The following KEAP1 variants were observed in gnomAD, a reference collection of about 807,000 sequenced individuals.
The protein encoded by KEAP1 is kelch-like ECH-associated protein 1.
A neutral mutation model predicts 59.7 loss-of-function variants in KEAP1; 26 were observed. The ratio of observed to expected loss-of-function variants is 0.44; its 90% CI spans 0.32 to 0.60. KEAP1 has a LOEUF of 0.60. KEAP1 is among the 20% of genes least tolerant of loss of function. The probability of loss-of-function intolerance (pLI) is 0.06; values close to 1 mark genes in which losing one functional copy is unlikely to be tolerated. For synonymous variants in KEAP1, 350 were observed against 358.3 expected (o/e 0.98, Z 0.26); for missense variants, 539 against 871.4 (o/e 0.62, Z 4.80).
Position 10,491,544 on chromosome 19 carries a change from C to T in KEAP1, c.1325+33G>A, listed in dbSNP as rs749509485. 6.7e-7 allele frequency: 1 copy of T among 1,481,700 alleles called. No homozygotes were observed. The highest frequency in any genetic ancestry group is 9.0e-7 in the Non-Finnish European group (1 of 1,114,010). 91.8% of individuals were successfully genotyped at this position (1,481,700 alleles called of 1,614,324 possible). The stretch of plus-strand genomic sequence containing the variant: ...TCTTGGGACTTGCCAGGAGCAGGAC[C>T]CTCCGAGCCCACCCCCAGGCCCTGC... On this transcript the variant is annotated intron_variant, in intron 3 of 5. Transcript: ENST00000171111. The surrounding 1 kb of genome is among the most constrained non-coding windows in gnomAD (Gnocchi z 5.2).
In KEAP1 at chr19:10,500,044, A is replaced by G. The variant is rs1219937832; in HGVS notation, c.-11T>C. The G allele has an allele frequency of 2.6e-6, 4 of 1,534,682 alleles. No individual in the cohort carries two copies. Among genetic ancestry groups the G allele is most frequent in the African/African-American group, 2.8e-5 (2 of 72,638 alleles). On this transcript the variant is annotated 5_prime_UTR_variant, in exon 2 of 6. Transcript: ENST00000171111. ...GGGATCTGGCTGCATGGGGTTCCAGAAGATAAGCAACACCACCACCTCTGG... is the reference window on the plus strand; with the variant it reads ...GGGATCTGGCTGCATGGGGTTCCAGGAGATAAGCAACACCACCACCTCTGG...
At chr19:10,489,433 T>C (rs954642031) in intron 4 of KEAP1, 65 bp from the exon 5 acceptor site, 12 of 1,501,488 alleles carry the variant, frequency 8.0e-6, no homozygotes, top group Middle Eastern at 3.5e-4. Flanking sequence ...AGCCATCACC[T>C]CCTTGAGGGA....
intron 5 of KEAP1, 93 bp from the exon 6 acceptor site, chr19:10,486,911 A>G (rs1036554322): frequency 2.0e-5 from 28 of 1,380,472 alleles, no homozygotes; most frequent in Non-Finnish European, 2.8e-5. Flanking sequence ...GAGATGCAAA[A>G]GCAGGCCGGG....
At chr19:10,501,713 T>C (rs1915052593) in intron 1 of KEAP1, among the ~76,000 whole-genome samples, 1 of 152,030 alleles carries the variant, frequency 6.6e-6, no homozygotes, top group Non-Finnish European at 1.5e-5. Flanking sequence ...GATGGGCTAA[T>C]TTTTTGTATT....
At chr19:10,496,969 T>A (rs954395707) in intron 2 of KEAP1, among the ~76,000 whole-genome samples, 41 of 150,836 alleles carry the variant, frequency 2.7e-4, no homozygotes, top group Non-Finnish European at 4.4e-4. Context: ...AAATATTTTT[T>A]AAAAATTAGC....
intron 2 of KEAP1, among the ~76,000 whole-genome samples, chr19:10,495,469 A>G (rs1305468179): frequency 6.6e-6 from 1 of 152,146 alleles, no homozygotes; most frequent in Non-Finnish European, 1.5e-5. Flanking sequence ...AGGCCAAAGC[A>G]GGCGGATCAC....
chr19:10,486,655 A>G lies in KEAP1; in HGVS notation c.1872T>C (p.Cys624=), dbSNP rs2144577154. 1 of 1,613,684 alleles carries G rather than the reference A, an allele frequency of 6.2e-7. No individual in the cohort carries two copies. The highest frequency in any genetic ancestry group is 8.5e-7 in the Non-Finnish European group (1 of 1,179,854). Residue 624 remains cysteine (C), a synonymous_variant, in exon 6 of 6, where the codon TGT becomes TGC. Coordinates refer to ENST00000171111, the MANE Select transcript of KEAP1 (RefSeq NM_203500.2). ...TTGCCCAAGAAACAAAAGTGCCTCA[A>G]CAGGTACAGTTCTGCTGGTCAATCT... ...RKQIDQQNCT[C]
chr19:10,496,781 G>A (rs964251799), intron 2 of KEAP1, among the ~76,000 whole-genome samples: 31 of 151,604 alleles, frequency 2.0e-4, no homozygotes, highest in African/African-American at 7.0e-4. Context: ...CAGCCTGGGC[G>A]ATAGAGCCAG....
At position 10,494,052 on chromosome 19, in the gene KEAP1, CCA is replaced by C. The variant is rs148323860; in HGVS notation, c.640-1792_640-1791del. Among the ~76,000 whole-genome samples, 1,145 of 152,202 alleles carry C rather than the reference CCA, an allele frequency of 7.5e-3. 20 individuals carry two copies. The highest frequency in any genetic ancestry group is 0.026 in the African/African-American group (1,089 of 41,548). On this transcript the variant is annotated intron_variant, in intron 2 of 5. Transcript: ENST00000171111. Reference sequence around the variant, plus strand: ...GAACTCCTGGGCTCAAACGATCTTCCCACCTCAGCCTCCTGAGTCGCTGGGAC... The same window carrying C: ...GAACTCCTGGGCTCAAACGATCTTCCCCTCAGCCTCCTGAGTCGCTGGGAC...
intron 2 of KEAP1, among the ~76,000 whole-genome samples, chr19:10,493,055 G>A (rs1045112831): frequency 6.6e-6 from 1 of 152,138 alleles, no homozygotes; most frequent in African/African-American, 2.4e-5. Flanking sequence ...GAGTGCAGTG[G>A]TGTGATCTTG....
At chr19:10,487,927 G>C (rs1034363039) in intron 5 of KEAP1, among the ~76,000 whole-genome samples, 2 of 151,564 alleles carry the variant, frequency 1.3e-5, no homozygotes, top group East Asian at 3.9e-4. Flanking sequence ...TCAGGAGTTC[G>C]AGACCAGCCT....
chr19:10,498,099 C>T (rs1249766059), intron 2 of KEAP1, among the ~76,000 whole-genome samples: 2 of 151,940 alleles, frequency 1.3e-5, no homozygotes, highest in East Asian at 1.9e-4. Context: ...GTGGTTTCTC[C>T]ATGTTGGTCA....
At chr19:10,500,948 GGGA>G (rs1389864170) in intron 1 of KEAP1, among the ~76,000 whole-genome samples, 8 of 152,114 alleles carry the variant, frequency 5.3e-5, no homozygotes, top group Non-Finnish European at 2.9e-5. Flanking sequence ...CCGAAGTGCT[GGGA>G]TTACAGGCGT....
intron 2 of KEAP1, among the ~76,000 whole-genome samples, chr19:10,497,516 G>A (rs1296789536): frequency 6.6e-6 from 1 of 152,160 alleles, no homozygotes. Context: ...TAGGACAGTT[G>A]GGAACAGTCA....
At position 10,502,082 on chromosome 19, in the gene KEAP1, C is replaced by G. The variant is rs761342946; in HGVS notation, c.-48+1159G>C. Among the ~76,000 whole-genome samples, 1 of 152,186 alleles carries G rather than the reference C, an allele frequency of 6.6e-6. No individual in the cohort carries two copies. The highest frequency in any genetic ancestry group is 1.5e-5 in the Non-Finnish European group (1 of 68,028). On this transcript the variant is annotated intron_variant, in intron 1 of 5. Coordinates refer to ENST00000171111, the MANE Select transcript of KEAP1 (RefSeq NM_203500.2). This position sits in a 1 kb window ranked among gnomAD's most constrained non-coding sequence, Gnocchi z 4.0. ...CAGGGAGACCTATGTAGGTCGGCGTCGGGCCAACCCTCTCCTGTGCCTCTC... is the reference window on the plus strand; with the variant it reads ...CAGGGAGACCTATGTAGGTCGGCGTGGGGCCAACCCTCTCCTGTGCCTCTC...
At position 10,494,187 on chromosome 19, in the gene KEAP1, AC is replaced by A. The variant is rs546784982; in HGVS notation, c.640-1926del. Among the ~76,000 whole-genome samples the A allele has an allele frequency of 1.8e-4, 26 of 145,660 alleles. No homozygotes were observed. The South Asian group carries it at 5.7e-3, about 32-fold the overall frequency. ...TGGAACTCCTGACCTCAAGTGGCCC[AC>A]CCCCTTGCCTTCCAAAGTGCTGGGA... On this transcript the variant is annotated intron_variant, in intron 2 of 5. Transcript: ENST00000171111.
At chr19:10,494,692 G>A (rs1287075439) in intron 2 of KEAP1, among the ~76,000 whole-genome samples, 1 of 131,954 alleles carries the variant, frequency 7.6e-6, no homozygotes, top group African/African-American at 2.9e-5. Flanking sequence ...GTCTCGCTCT[G>A]TCGCCCAGGC....
Position 10,499,882 on chromosome 19 carries a change from G to A in KEAP1, c.152C>T (p.Thr51Ile), listed in dbSNP as rs1348405716. Residue 51 changes from threonine (T) to isoleucine (I), a missense_variant, in exon 2 of 6, where the codon ACC becomes ATC. Physicochemically the swap from Thr to Ile is moderately conservative, Grantham distance 89 (BLOSUM62 -1). Around this residue, in one of 4 missense-constraint regions of KEAP1, gnomAD observed 166 missense variants for 295.8 expected, o/e 0.56. Transcript: ENST00000171111. This position sits in a 1 kb window ranked among gnomAD's most constrained non-coding sequence, Gnocchi z 6.7. ...ATGATCCTCCAGGGTGTAGCTGAAG[G>A]TGCGGTTGCCATGCTGGGAGGGCGT... Reference protein sequence around the residue: ...EVTPSQHGNRTFSYTLEDHTK... With the variant: ...EVTPSQHGNRIFSYTLEDHTK... The A allele has an allele frequency of 6.2e-7, 1 of 1,613,398 alleles. No homozygotes were observed. Among genetic ancestry groups the A allele is most frequent in the African/African-American group, 1.3e-5 (1 of 74,938 alleles).
Position 10,502,260 on chromosome 19 carries a change from G to C in KEAP1, c.-48+981C>G, listed in dbSNP as rs1915067803. The C allele has an allele frequency of 6.6e-6, 1 of 152,248 alleles. No homozygotes were observed. Among genetic ancestry groups the C allele is most frequent in the Admixed American group, 6.5e-5 (1 of 15,274 alleles). 9.4% of individuals were successfully genotyped at this position (152,248 alleles called of 1,614,324 possible). A position where few individuals can be genotyped will look rare whatever the true frequency, so the allele number is the denominator to read the frequency against. On this transcript the variant is annotated intron_variant, in intron 1 of 5. Transcript: ENST00000171111. This position sits in a 1 kb window ranked among gnomAD's most constrained non-coding sequence, Gnocchi z 4.0. The stretch of plus-strand genomic sequence containing the variant: ...GCCCTGGGTTTGCCTCTTGGTCTTT[G>C]GCCAATCGGTCAACAATGCCCCTTG...
Sources: allele counts gnomAD v4.1 joint callset (sites outside exome capture counted in the v4.1 genomes callset), GRCh38; gene constraint gnomAD v4.1.1; regional missense constraint gnomAD v4.1.1; non-coding constraint Gnocchi (gnomAD v3.1); transcripts MANE v1.5; gene names NCBI Gene and HGNC (gene_info 2026-07-23, HGNC 2026-07-21).